Variants in LIPC observed in about 807,000 individuals in gnomAD.
LIPC encodes hepatic triacylglycerol lipase.
In LIPC, 44 loss-of-function variants were observed where a neutral mutation model predicts 50.7. The ratio of observed to expected loss-of-function variants is 0.87; its 90% CI spans 0.68 to 1.11. The LOEUF (loss-of-function observed/expected upper bound fraction) is 1.11. Ranked by LOEUF, LIPC falls within the 50% of genes most tolerant of loss-of-function variation. The probability of loss-of-function intolerance (pLI) is 0.00; values close to 1 mark genes in which losing one functional copy is unlikely to be tolerated. For synonymous variants in LIPC, 271 were observed against 256.4 expected, an observed-to-expected ratio of 1.06 and a Z score of -0.54; for missense variants, 697 against 648.2, an observed-to-expected ratio of 1.08 and a Z score of -0.82.
chr15:58,514,287 T>C (rs971383350), intron 1 of LIPC, among the ~76,000 whole-genome samples: 1 of 152,218 alleles, frequency 6.6e-6, no homozygotes. Flanking sequence ...TAAGATTGTT[T>C]AGTGATTAAA....
intron 1 of LIPC, among the ~76,000 whole-genome samples, chr15:58,482,922 C>T (rs1336735756): frequency 2.0e-5 from 3 of 152,150 alleles, no homozygotes; most frequent in African/African-American, 7.2e-5. Flanking sequence ...AAGCCTTGCA[C>T]AGACTGGGTG....
At chr15:58,508,467 G>A (rs1438252478) in intron 1 of LIPC, among the ~76,000 whole-genome samples, 1 of 152,176 alleles carries the variant, frequency 6.6e-6, no homozygotes, top group African/African-American at 2.4e-5. Flanking sequence ...CATTTTGGAG[G>A]TAGGGAGATC....
At chr15:58,553,244 C>A (rs763428311) in intron 6 of LIPC, among the ~76,000 whole-genome samples, 3 of 152,102 alleles carry the variant, frequency 2.0e-5, no homozygotes, top group Non-Finnish European at 4.4e-5. Context: ...CAGTCCTGGC[C>A]GCACACACAC....
chr15:58,524,173 C>A (rs1482785946), intron 1 of LIPC, among the ~76,000 whole-genome samples: 1 of 152,066 alleles, frequency 6.6e-6, no homozygotes, highest in African/African-American at 2.4e-5. Context: ...TTACTTATGC[C>A]CCCACCCTTC....
intron 8 of LIPC, chr15:58,565,710 A>G: frequency 1.0e-6 from 1 of 996,858 alleles, no homozygotes; most frequent in Non-Finnish European, 1.2e-6. Flanking sequence ...TTCTTCCATT[A>G]GTTTTGGTTC....
intron 1 of LIPC, among the ~76,000 whole-genome samples, chr15:58,441,990 G>A (rs1893522993): frequency 6.6e-6 from 1 of 152,208 alleles, no homozygotes; most frequent in Non-Finnish European, 1.5e-5. Context: ...TGGTCTGGCT[G>A]ACGGCAGAGC....
At chr15:58,446,795 T>C (rs1893711386) in intron 1 of LIPC, among the ~76,000 whole-genome samples, 1 of 152,108 alleles carries the variant, frequency 6.6e-6, no homozygotes, top group Non-Finnish European at 1.5e-5. Context: ...ACGTGGCAAA[T>C]GACTGTTGCA....
chr15:58,481,721 C>T (rs371540135), intron 1 of LIPC, among the ~76,000 whole-genome samples: 4 of 152,186 alleles, frequency 2.6e-5, no homozygotes, highest in Non-Finnish European at 5.9e-5. Context: ...ATTGCTTGAA[C>T]CTGGGAGGCA....
intron 1 of LIPC, among the ~76,000 whole-genome samples, chr15:58,500,206 G>T (rs1409396715): frequency 4.6e-5 from 7 of 152,136 alleles, no homozygotes; most frequent in African/African-American, 1.7e-4. Flanking sequence ...AAACCGTGGA[G>T]CCAGAAGCAG....
chr15:58,518,889 A>G (rs1288754664), intron 1 of LIPC, among the ~76,000 whole-genome samples: 1 of 151,978 alleles, frequency 6.6e-6, no homozygotes, highest in Non-Finnish European at 1.5e-5. Flanking sequence ...GGTTGTAAAC[A>G]TAATAGACAC....
At chr15:58,555,167 G>A (rs1051525251) in intron 6 of LIPC, among the ~76,000 whole-genome samples, 3 of 152,170 alleles carry the variant, frequency 2.0e-5, no homozygotes, top group Admixed American at 1.3e-4. Flanking sequence ...TCCTAAAATC[G>A]TGGAACCATA....
intron 1 of LIPC, among the ~76,000 whole-genome samples, chr15:58,448,390 A>G (rs755073835): frequency 6.6e-6 from 1 of 152,222 alleles, no homozygotes; most frequent in Non-Finnish European, 1.5e-5. Flanking sequence ...TCTGGGGCTC[A>G]CCTACAGTCT....
intron 1 of LIPC, among the ~76,000 whole-genome samples, chr15:58,480,439 T>C (rs1169644401): frequency 6.6e-6 from 1 of 152,146 alleles, no homozygotes; most frequent in Non-Finnish European, 1.5e-5. Context: ...GGATTACAGG[T>C]GCCTGCCACC....
At chr15:58,445,299 C>T (rs576856326) in intron 1 of LIPC, among the ~76,000 whole-genome samples, 1 of 152,224 alleles carries the variant, frequency 6.6e-6, no homozygotes, top group Non-Finnish European at 1.5e-5. Flanking sequence ...CATGGGTGTG[C>T]TCAGTGTGGA....
At chr15:58,450,077 G>A (rs1275308105) in intron 1 of LIPC, among the ~76,000 whole-genome samples, 4 of 152,172 alleles carry the variant, frequency 2.6e-5, no homozygotes, top group Middle Eastern at 3.2e-3. Context: ...GTCTTATGGG[G>A]TGACACCACT....
chr15:58,521,018 G>A (rs1402819263), intron 1 of LIPC, among the ~76,000 whole-genome samples: 10 of 152,148 alleles, frequency 6.6e-5, no homozygotes, highest in South Asian at 2.1e-4. Flanking sequence ...AAGAATATCC[G>A]GAACTTGCTT....
At position 58,558,483 on chromosome 15, in the gene LIPC, C is replaced by T. The variant is rs370652657; in HGVS notation, c.1052-2381C>T. ...ATTGTATTACAGCAGGGGTCCCCAA[C>T]CCCCGAGCTACAGACAGTGGGCAAT... On this transcript the variant is annotated intron_variant, in intron 6 of 8. Transcript: ENST00000299022. Among the ~76,000 whole-genome samples the T allele has an allele frequency of 1.6e-4, 24 of 152,336 alleles. No homozygotes were observed. In the East Asian group the frequency reaches 2.5e-3, roughly 16 times the overall value.
At chr15:58,509,197 T>C (rs1265758330) in intron 1 of LIPC, among the ~76,000 whole-genome samples, 1 of 152,222 alleles carries the variant, frequency 6.6e-6, no homozygotes, top group Non-Finnish European at 1.5e-5. Flanking sequence ...ATGGTTTAGA[T>C]AGAATAGAAT....
intron 6 of LIPC, among the ~76,000 whole-genome samples, chr15:58,560,096 T>C (rs2140949849): frequency 1.3e-5 from 2 of 152,358 alleles, no homozygotes; most frequent in Middle Eastern, 3.4e-3. Context: ...CAAAAATGTA[T>C]TATCATTTAA....
Sources: allele counts gnomAD v4.1 joint callset (sites outside exome capture counted in the v4.1 genomes callset), GRCh38; gene constraint gnomAD v4.1.1; transcripts MANE v1.5; gene names NCBI Gene and HGNC (gene_info 2026-07-23, HGNC 2026-07-21).